Variants in UPF1 observed in about 807,000 individuals in gnomAD.
UPF1 encodes regulator of nonsense transcripts 1.
A neutral mutation model predicts 129.2 loss-of-function variants in UPF1; 9 were observed. The ratio of observed to expected loss-of-function variants is 0.07; its 90% CI spans 0.04 to 0.12. The LOEUF (loss-of-function observed/expected upper bound fraction) is 0.12, where lower values mean the gene tolerates loss of function less well. UPF1 is among the 10% of genes least tolerant of loss of function. The probability of loss-of-function intolerance (pLI) is 1.00; values close to 1 mark genes in which losing one functional copy is unlikely to be tolerated. For synonymous variants in UPF1, 649 were observed against 644.9 expected, an observed-to-expected ratio of 1.01 and a Z score of -0.10; for missense variants, 788 against 1,525.3, an observed-to-expected ratio of 0.52 and a Z score of 8.05.
intron 9 of UPF1, 38 bp from the exon 10 acceptor site, chr19:18,854,841 C>T: frequency 6.2e-7 from 1 of 1,612,048 alleles, no homozygotes; most frequent in Non-Finnish European, 8.5e-7. Context: ...GAGGCGGCCA[C>T]AGCTGTGCGT....
chr19:18,835,576 G>T (rs2055475225), intron 1 of UPF1, among the ~76,000 whole-genome samples: 1 of 152,186 alleles, frequency 6.6e-6, no homozygotes. Flanking sequence ...TCCTGACCAT[G>T]TGGTCCACTT....
chr19:18,859,992 G>T (rs1203672067), intron 15 of UPF1: 1 of 244,466 alleles, frequency 4.1e-6, no homozygotes, highest in African/African-American at 2.3e-5. Flanking sequence ...CAAGCTTCTG[G>T]AAGGAAGCAG....
chr19:18,853,960 T>G lies in UPF1; in HGVS notation c.1156+610T>G, dbSNP rs1221663433. Reference sequence around the variant, plus strand: ...CTGCTGGGGCCTGACCATTCAGCGGTGGCCTCCACAGGGGTAGGGAGAGTT... The same window carrying G: ...CTGCTGGGGCCTGACCATTCAGCGGGGGCCTCCACAGGGGTAGGGAGAGTT... On this transcript the variant is annotated intron_variant, in intron 8 of 23. Transcript: ENST00000262803. The surrounding 1 kb of genome is among the most constrained non-coding windows in gnomAD (Gnocchi z 4.4). 6.6e-6 allele frequency among the ~76,000 whole-genome samples: 1 copy of G among 152,112 alleles called. No individual in the cohort carries two copies. The highest frequency in any genetic ancestry group is 1.5e-5 in the Non-Finnish European group (1 of 68,016).
At chr19:18,835,798 A>G (rs917895139) in intron 1 of UPF1, among the ~76,000 whole-genome samples, 2 of 152,148 alleles carry the variant, frequency 1.3e-5, no homozygotes, top group East Asian at 3.9e-4. Context: ...ATGAGTGTAC[A>G]GGTTTCTGCG....
chr19:18,850,623 G>C lies in UPF1; in HGVS notation c.630-65G>C. The C allele has an allele frequency of 6.8e-7, 1 of 1,469,226 alleles. No homozygotes were observed. The highest frequency in any genetic ancestry group is 9.0e-7 in the Non-Finnish European group (1 of 1,109,326). 91.0% of individuals were successfully genotyped at this position (1,469,226 alleles called of 1,614,324 possible). ...TGGGTGAAAGGTCAGCATGGGAGGG[G>C]GCCCTCCCTGCTCCGGGGCTTCAGG... On this transcript the variant is annotated intron_variant, in intron 4 of 23. Coordinates refer to ENST00000262803, the MANE Select transcript of UPF1 (RefSeq NM_002911.4). This position sits in a 1 kb window ranked among gnomAD's most constrained non-coding sequence, Gnocchi z 7.1.
chr19:18,860,215 C>A, intron 15 of UPF1, 106 bp from the exon 16 acceptor site: 1 of 1,210,348 alleles, frequency 8.3e-7, no homozygotes, highest in Non-Finnish European at 1.2e-6. Context: ...GTCTCCTGCC[C>A]CAGGACCTGC....
intron 18 of UPF1, 22 bp from the exon 19 acceptor site, chr19:18,863,416 C>G (rs771778778): frequency 6.2e-7 from 1 of 1,607,006 alleles, no homozygotes; most frequent in Non-Finnish European, 8.5e-7. Flanking sequence ...CCTGCGTCCT[C>G]AGCACTGCGC....
chr19:18,866,087 C>T lies in UPF1; in HGVS notation c.3281C>T (p.Ala1094Val), dbSNP rs1333445130. The stretch of plus-strand genomic sequence containing the variant: ...GAGTTTAAATCACAAATCGACGTGG[C>T]GCTCTCACAGGACTCCACGTACCAG... ...GDEFKSQIDV[A>V]LSQDSTYQGE... Residue 1094 changes from alanine to valine, a missense_variant, in exon 23 of 24, where the codon GCG becomes GTG. Transcript: ENST00000262803. The T allele has an allele frequency of 8.1e-6, 13 of 1,613,104 alleles. No individual in the cohort carries two copies. The highest frequency in any genetic ancestry group is 1.7e-5 in the Admixed American group (1 of 59,810).
At chr19:18,857,056 C>T (rs377148483) in intron 14 of UPF1, 36 bp downstream of exon 14, 321 of 1,590,570 alleles carry the variant, frequency 2.0e-4, no homozygotes, top group Non-Finnish European at 2.6e-4. Context: ...TGTGAAAACT[C>T]GTGTGTGTGA....
At chr19:18,842,003 G>A (rs1277886120) in intron 1 of UPF1, among the ~76,000 whole-genome samples, 1 of 152,140 alleles carries the variant, frequency 6.6e-6, no homozygotes, top group Non-Finnish European at 1.5e-5. Context: ...GCTGAGGCAA[G>A]AGGATCTCTT....
Position 18,850,172 on chromosome 19 carries a change from G to A in UPF1, c.559G>A (p.Gly187Ser), listed in dbSNP as rs757168540. 2.5e-6 allele frequency: 4 copies of A among 1,614,024 alleles called. No homozygotes were observed. The highest frequency in any genetic ancestry group is 1.7e-5 in the Admixed American group (1 of 59,980). ...GETVLECYNC[G>S]CRNVFLLGFI... is the part of the protein sequence containing the mutation. ...GACAGTCCTGGAGTGCTACAACTGC[G>A]GCTGTCGCAACGTCTTCCTCCTCGG... Residue 187 changes from glycine (G) to serine (S), a missense_variant, in exon 4 of 24, where the codon GGC (glycine) becomes AGC (serine). Physicochemically the swap from Gly to Ser is moderately conservative, Grantham distance 56 (BLOSUM62 0). Coordinates refer to ENST00000262803, the MANE Select transcript of UPF1 (RefSeq NM_002911.4). This position sits in a 1 kb window ranked among gnomAD's most constrained non-coding sequence, Gnocchi z 7.1.
In UPF1 at chr19:18,851,622, G is replaced by A. The variant is rs2055659528; in HGVS notation, c.811-513G>A. Among the ~76,000 whole-genome samples the A allele has an allele frequency of 6.6e-6, 1 of 152,200 alleles. No individual in the cohort carries two copies. Among genetic ancestry groups the A allele is most frequent in the African/African-American group, 2.4e-5 (1 of 41,440 alleles). On this transcript the variant is annotated intron_variant, in intron 5 of 23. Transcript: ENST00000262803. This position sits in a 1 kb window ranked among gnomAD's most constrained non-coding sequence, Gnocchi z 4.2. ...AGCATGGCACTCACTGAGGGAGCTG[G>A]CCCCCAGGGGAAGAGCTGCGGGCCC...
rs1260593837 is a variant in UPF1 at position 18,860,433 on chromosome 19, G to C, written c.2295G>C (p.Leu765=). ...TTGCCAGCTCGGGCACCTCCTACCT[G>C]AACAGGTGAGCAGGGACAGGCCCAC... is the stretch of plus-strand genomic sequence containing the variant. ...EEIASSGTSY[L]NRTEAANVEK... Residue 765 remains leucine, a synonymous_variant, in exon 16 of 24, where the codon CTG becomes CTC. Transcript: ENST00000262803. 1.9e-6 allele frequency: 3 copies of C among 1,613,960 alleles called. No homozygotes were observed. The highest frequency in any genetic ancestry group is 3.3e-5 in the Admixed American group (2 of 60,012).
intron 13 of UPF1, 56 bp from the exon 14 acceptor site, chr19:18,856,821 G>A (rs1209646109): frequency 1.1e-5 from 17 of 1,551,942 alleles, no homozygotes; most frequent in Admixed American, 7.7e-5. Flanking sequence ...CCTGCCCTCC[G>A]GGGTCTGGTG....
chr19:18,833,517 C>G (rs2055451138), intron 1 of UPF1, among the ~76,000 whole-genome samples: 3 of 149,114 alleles, frequency 2.0e-5, no homozygotes, highest in African/African-American at 7.4e-5. Flanking sequence ...AAGTATCGGG[C>G]ATGCATTTCC....
At chr19:18,846,254 AAG>A in intron 2 of UPF1, 135 bp downstream of exon 2, 2 of 1,343,178 alleles carry the variant, frequency 1.5e-6, no homozygotes, top group Non-Finnish European at 2.0e-6. Context: ...CCTCGGGAGT[AAG>A]GAAATTGCTC....
Position 18,832,476 on chromosome 19 carries a change from C to A in UPF1, c.231+36C>A. On this transcript the variant is annotated intron_variant, in intron 1 of 23. Transcript: ENST00000262803. The surrounding 1 kb of genome is among the most constrained non-coding windows in gnomAD (Gnocchi z 5.6). The stretch of plus-strand genomic sequence containing the variant: ...CATGGCGGTGCCGGAAGCCCGGGCC[C>A]GGCCTCGGCGCCTGAGACCTGCCCC... 1 of 997,528 alleles carries A rather than the reference C, an allele frequency of 1.0e-6. No homozygotes were observed. The highest frequency in any genetic ancestry group is 1.2e-6 in the Non-Finnish European group (1 of 837,644). 61.8% of individuals were successfully genotyped at this position (997,528 alleles called of 1,614,324 possible).
rs766382346 is a variant in UPF1 at position 18,853,371 on chromosome 19, G to A, written c.1156+21G>A. ...TGATAGTATCCTTCATGTGAAGAGG[G>A]TGTGGCCGGCTGGTGGGAGAGGAAA... is the stretch of plus-strand genomic sequence containing the variant. On this transcript the variant is annotated intron_variant, in intron 8 of 23. Transcript: ENST00000262803. This position sits in a 1 kb window ranked among gnomAD's most constrained non-coding sequence, Gnocchi z 4.4. 7.6e-6 allele frequency: 12 copies of A among 1,578,900 alleles called. No homozygotes were observed. The East Asian group carries it at 2.7e-4, about 36-fold the overall frequency.
Position 18,832,457 on chromosome 19 carries a change from G to T in UPF1, c.231+17G>T. The T allele has an allele frequency of 1.0e-6, 1 of 997,408 alleles. No individual in the cohort carries two copies. Among genetic ancestry groups the T allele is most frequent in the South Asian group, 4.5e-5 (1 of 22,168 alleles). The allele number at this position is 997,408 out of a possible 1,614,324, so 61.8% of individuals were successfully genotyped here. A position where few individuals can be genotyped will look rare whatever the true frequency, so the allele number is the denominator to read the frequency against. ...GACGCGCAGGTGAGCGGCACATGGC[G>T]GTGCCGGAAGCCCGGGCCCGGCCTC... On this transcript the variant is annotated intron_variant, in intron 1 of 23. Transcript: ENST00000262803. The surrounding 1 kb of genome is among the most constrained non-coding windows in gnomAD (Gnocchi z 5.6).
Sources: gnomAD v4.1 joint callset for allele counts (sites outside exome capture counted in the v4.1 genomes callset) on GRCh38, gnomAD v4.1.1 for gene constraint, Gnocchi (gnomAD v3.1) non-coding constraint, MANE v1.5 for transcripts, NCBI Gene and HGNC (gene_info 2026-07-23, HGNC 2026-07-21) for gene names.